SLC25A21: variants seen among roughly 807,000 people sequenced by gnomAD.
The protein encoded by SLC25A21 is mitochondrial 2-oxodicarboxylate carrier.
In SLC25A21, 47 loss-of-function variants were observed where a neutral mutation model predicts 43.8. The observed-to-expected ratio is 1.07, with a 90% confidence interval of 0.85 to 1.37. The LOEUF (loss-of-function observed/expected upper bound fraction) is 1.37. SLC25A21 is among the 40% of genes most tolerant of loss of function. SLC25A21 has a pLI of 0.00. For synonymous variants in SLC25A21, 131 were observed against 121.3 expected, an observed-to-expected ratio of 1.08 and a Z score of -0.52; for missense variants, 352 against 350.2, an observed-to-expected ratio of 1.00 and a Z score of -0.04.
intron 1 of SLC25A21, among the ~76,000 whole-genome samples, chr14:37,107,389 C>A (rs904701927): frequency 6.6e-6 from 1 of 151,910 alleles, no homozygotes; most frequent in African/African-American, 2.4e-5. Context: ...CAATAAGTTG[C>A]CCGCACTGGT....
chr14:36,698,644 C>G (rs2139165741), intron 7 of SLC25A21, among the ~76,000 whole-genome samples: 1 of 152,246 alleles, frequency 6.6e-6, no homozygotes, highest in South Asian at 2.1e-4. Context: ...ACCTGGTCTT[C>G]TCACTTAATT....
intron 3 of SLC25A21, among the ~76,000 whole-genome samples, chr14:36,741,870 T>C (rs1885278971): frequency 6.6e-6 from 1 of 152,190 alleles, no homozygotes; most frequent in African/African-American, 2.4e-5. Flanking sequence ...AACACGTCTG[T>C]ATACCTAACA....
rs181174947 is a variant in SLC25A21, at chr14:36,681,764, T to G, written c.839-1045A>C. On this transcript the variant is annotated intron_variant, in intron 9 of 9. Transcript: ENST00000331299. ...TTTTTTTTAATCTATAGGCTGCACA[T>G]GTTTGTGTAACCATATACCAAAGAT... Among the ~76,000 whole-genome samples the G allele has an allele frequency of 1.3e-3, 204 of 152,244 alleles. 1 individual carries two copies. The highest frequency in any genetic ancestry group is 4.2e-3 in the African/African-American group (174 of 41,556).
At chr14:36,760,993 A>C (rs1424641172) in intron 3 of SLC25A21, among the ~76,000 whole-genome samples, 3 of 152,226 alleles carry the variant, frequency 2.0e-5, no homozygotes, top group African/African-American at 4.8e-5. Flanking sequence ...GCAGATTCTT[A>C]GAGGCTGCAG....
chr14:36,990,286 C>G (rs758445693), intron 1 of SLC25A21, among the ~76,000 whole-genome samples: 13 of 152,172 alleles, frequency 8.5e-5, no homozygotes, highest in Non-Finnish European at 1.8e-4. Context: ...TGCAAGCCTT[C>G]CCAGCCCCAG....
intron 1 of SLC25A21, among the ~76,000 whole-genome samples, chr14:37,130,776 C>A (rs140635549): frequency 1.1e-3 from 166 of 152,300 alleles, no homozygotes; most frequent in African/African-American, 3.7e-3. Context: ...AGCACATACT[C>A]TTGAGACATT....
intron 1 of SLC25A21, among the ~76,000 whole-genome samples, chr14:37,145,905 C>T (rs997910220): frequency 6.6e-6 from 1 of 152,052 alleles, no homozygotes; most frequent in Non-Finnish European, 1.5e-5. Flanking sequence ...AAACTAGAGC[C>T]CTTTTTTATT....
intron 3 of SLC25A21, among the ~76,000 whole-genome samples, chr14:36,810,354 G>T (rs1566635519): frequency 6.6e-6 from 1 of 152,226 alleles, no homozygotes; most frequent in South Asian, 2.1e-4. Flanking sequence ...CTAAGGAACT[G>T]CCACGTTCAA....
chr14:36,728,489 C>T (rs1012355760), intron 5 of SLC25A21, among the ~76,000 whole-genome samples: 1 of 152,080 alleles, frequency 6.6e-6, no homozygotes, highest in Admixed American at 6.6e-5. Flanking sequence ...GGAAAAAATC[C>T]CAGCTAGTTT....
At chr14:36,896,916 T>C (rs1292030476) in intron 1 of SLC25A21, among the ~76,000 whole-genome samples, 1 of 152,228 alleles carries the variant, frequency 6.6e-6, no homozygotes, top group Non-Finnish European at 1.5e-5. Flanking sequence ...CAGCTGTTAG[T>C]CTGATGGGCT....
At chr14:36,764,174 A>AAG (rs1440281371) in intron 3 of SLC25A21, among the ~76,000 whole-genome samples, 3 of 75,884 alleles carry the variant, frequency 4.0e-5, no homozygotes, top group East Asian at 1.2e-3. Flanking sequence ...GAAAGAAAGA[A>AAG]AGAAAGAAAG....
chr14:36,709,250 T>C (rs1883724323), intron 7 of SLC25A21, among the ~76,000 whole-genome samples: 1 of 152,172 alleles, frequency 6.6e-6, no homozygotes, highest in South Asian at 2.1e-4. Flanking sequence ...GACAGTGCTG[T>C]TGTGTGGGGC....
chr14:36,918,733 G>T (rs1402940220), intron 1 of SLC25A21, among the ~76,000 whole-genome samples: 1 of 151,486 alleles, frequency 6.6e-6, no homozygotes, highest in Non-Finnish European at 1.5e-5. Flanking sequence ...TATAAAAATA[G>T]AAAAAAATGC....
intron 1 of SLC25A21, among the ~76,000 whole-genome samples, chr14:36,943,315 C>T (rs1055735702): frequency 5.3e-5 from 8 of 152,096 alleles, no homozygotes; most frequent in Admixed American, 3.3e-4. Flanking sequence ...CCTCAGCCTC[C>T]CGACTAGCTA....
chr14:36,710,420 AAAAG>A (rs375549833), intron 7 of SLC25A21, among the ~76,000 whole-genome samples: 14 of 151,760 alleles, frequency 9.2e-5, no homozygotes, highest in Admixed American at 2.0e-4. Context: ...ACGGGGAAAA[AAAAG>A]AAAGAAAGAA....
At chr14:36,910,269 A>T (rs931465278) in intron 1 of SLC25A21, among the ~76,000 whole-genome samples, 1 of 152,194 alleles carries the variant, frequency 6.6e-6, no homozygotes, top group Non-Finnish European at 1.5e-5. Flanking sequence ...TCGTTCTTTC[A>T]TTGAATGACC....
chr14:37,043,946 T>TC (rs1555343736), intron 1 of SLC25A21, among the ~76,000 whole-genome samples: 1 of 146,996 alleles, frequency 6.8e-6, no homozygotes, highest in African/African-American at 2.5e-5. Flanking sequence ...TTTTGTTTTT[T>TC]TTTTTTTTTT....
At chr14:37,071,210 T>C (rs1594779326) in intron 1 of SLC25A21, among the ~76,000 whole-genome samples, 1 of 152,232 alleles carries the variant, frequency 6.6e-6, no homozygotes, top group Non-Finnish European at 1.5e-5. Flanking sequence ...AAAGCAAAGA[T>C]GTATACATGG....
chr14:36,753,524 G>C (rs1594554276), intron 3 of SLC25A21, among the ~76,000 whole-genome samples: 2 of 151,638 alleles, frequency 1.3e-5, no homozygotes, highest in African/African-American at 4.8e-5. Context: ...TTCATGTAAA[G>C]GGCATAGAGA....
Sources: gnomAD v4.1 joint callset for allele counts (sites outside exome capture counted in the v4.1 genomes callset) on GRCh38, gnomAD v4.1.1 for gene constraint, MANE v1.5 for transcripts, NCBI Gene and HGNC (gene_info 2026-07-23, HGNC 2026-07-21) for gene names.